The following RUNX1 variants were observed in gnomAD, a reference collection of about 807,000 sequenced individuals.
The protein encoded by RUNX1 is runt-related transcription factor 1.
A neutral mutation model predicts 42.8 loss-of-function variants in RUNX1; 19 were observed. The observed-to-expected ratio is 0.44, with a 90% CI of 0.31 to 0.65. The LOEUF is 0.65. Among genes scored for constraint, RUNX1 ranks in the 30% least tolerant of loss-of-function variants. The probability of loss-of-function intolerance (pLI) is 0.07; values close to 1 mark genes in which losing one functional copy is unlikely to be tolerated. For synonymous variants in RUNX1, 271 were observed against 289.4 expected (o/e 0.94, Z 0.64); for missense variants, 528 against 672.0 (o/e 0.79, Z 2.37).
At chr21:34,799,165 G>A in intron 8 of RUNX1, 136 bp downstream of exon 8, 1 of 899,586 alleles carries the variant, frequency 1.1e-6, no homozygotes, top group South Asian at 1.4e-5. Flanking sequence ...CATGGGCATG[G>A]GACTCAGAGT....
intron 7 of RUNX1, chr21:34,821,415 G>A: frequency 7.5e-7 from 1 of 1,329,908 alleles, no homozygotes; most frequent in Non-Finnish European, 9.7e-7. Flanking sequence ...CATGTGCTGT[G>A]CATCAAGTGA....
chr21:35,046,188 G>A (rs1240436216), intron 2 of RUNX1, among the ~76,000 whole-genome samples: 1 of 152,176 alleles, frequency 6.6e-6, no homozygotes, highest in Non-Finnish European at 1.5e-5. Flanking sequence ...GGAACCTGGT[G>A]TGGTGTGATA....
Position 34,799,466 on chromosome 21 carries a change from A to AAGAGAATC in RUNX1, c.806-12_806-5dup, listed in dbSNP as rs1281201093. ...GATGGTTGGATCTGCCTTGTATCTG[A>AAGAGAATC]AGAGAATCAGAAAGGTCAATTATAT... On this transcript the variant is annotated splice_polypyrimidine_tract_variant and splice_region_variant and intron_variant, in intron 7 of 8. Coordinates refer to ENST00000675419, the MANE Select transcript of RUNX1 (RefSeq NM_001754.5). 6.2e-7 allele frequency: 1 copy of AAGAGAATC among 1,613,898 alleles called. No individual in the cohort carries two copies. Among genetic ancestry groups the AAGAGAATC allele is most frequent in the East Asian group, 2.2e-5 (1 of 44,872 alleles).
intron 6 of RUNX1, among the ~76,000 whole-genome samples, chr21:34,852,184 CAA>C (rs1346147658): frequency 1.3e-5 from 2 of 151,894 alleles, no homozygotes; most frequent in Admixed American, 6.6e-5. Context: ...CAAAACAAAA[CAA>C]AACAAAACAA....
At chr21:34,853,272 A>G (rs979691680) in intron 6 of RUNX1, among the ~76,000 whole-genome samples, 1 of 152,168 alleles carries the variant, frequency 6.6e-6, no homozygotes, top group African/African-American at 2.4e-5. Flanking sequence ...AGGGGAGGGT[A>G]CTTCCTGCAG....
At chr21:34,795,691 C>T (rs534551012) in intron 8 of RUNX1, among the ~76,000 whole-genome samples, 13 of 152,346 alleles carry the variant, frequency 8.5e-5, no homozygotes, top group African/African-American at 3.1e-4. Context: ...ACACCTCATT[C>T]CACAGGGTTC....
intron 2 of RUNX1, among the ~76,000 whole-genome samples, chr21:35,025,842 A>G (rs2059231857): frequency 6.6e-6 from 1 of 152,104 alleles, no homozygotes; most frequent in Non-Finnish European, 1.5e-5. Context: ...GGAAACTCAT[A>G]TGGTTCTCTG....
chr21:34,820,317 T>A (rs2056889641), intron 7 of RUNX1, among the ~76,000 whole-genome samples: 1 of 152,182 alleles, frequency 6.6e-6, no homozygotes, highest in Admixed American at 6.5e-5. Context: ...AGGGTAGGTG[T>A]GGCTTTGAGG....
chr21:35,006,843 GA>G (rs1210996322), intron 2 of RUNX1, among the ~76,000 whole-genome samples: 1 of 152,174 alleles, frequency 6.6e-6, no homozygotes, highest in Non-Finnish European at 1.5e-5. Context: ...AAACGTGCTG[GA>G]AAGATAGAAG....
At chr21:35,011,637 G>A (rs566111668) in intron 2 of RUNX1, among the ~76,000 whole-genome samples, 4 of 152,332 alleles carry the variant, frequency 2.6e-5, no homozygotes, top group African/African-American at 9.6e-5. Flanking sequence ...GTGGACAAGA[G>A]CTCTGCTGAC....
chr21:34,856,821 G>A (rs984553576), intron 6 of RUNX1, among the ~76,000 whole-genome samples: 31 of 152,202 alleles, frequency 2.0e-4, no homozygotes, highest in Admixed American at 2.0e-3. Context: ...GGACTCGGGA[G>A]GTCTTATTCA....
chr21:34,913,030 A>G (rs1489177655), intron 2 of RUNX1, among the ~76,000 whole-genome samples: 1 of 152,190 alleles, frequency 6.6e-6, no homozygotes, highest in Non-Finnish European at 1.5e-5. Flanking sequence ...CAGGAGTTTA[A>G]AACCAGCCTG....
intron 7 of RUNX1, chr21:34,821,800 C>A (rs1203153680): frequency 8.4e-6 from 8 of 957,298 alleles, no homozygotes; most frequent in South Asian, 2.7e-5. Context: ...GTGAAAGAAT[C>A]AAATGAGGAA....
intron 3 of RUNX1, among the ~76,000 whole-genome samples, chr21:34,891,555 G>C (rs965022076): frequency 5.9e-5 from 9 of 152,236 alleles, no homozygotes; most frequent in Admixed American, 3.9e-4. Context: ...TACGAAGTGA[G>C]GAATTCCTTT....
At chr21:35,038,068 T>C (rs906220036) in intron 2 of RUNX1, among the ~76,000 whole-genome samples, 1 of 152,180 alleles carries the variant, frequency 6.6e-6, no homozygotes, top group Non-Finnish European at 1.5e-5. Context: ...TGACTTCCTC[T>C]GCGTGTCCAT....
At chr21:34,888,311 G>A in intron 3 of RUNX1, 2 of 1,067,570 alleles carry the variant, frequency 1.9e-6, no homozygotes, top group Non-Finnish European at 2.3e-6. Context: ...CGGGCGGCTC[G>A]GGTTACACAC....
intron 2 of RUNX1, among the ~76,000 whole-genome samples, chr21:34,918,480 TAA>T (rs2058329101): frequency 1.3e-5 from 2 of 152,368 alleles, no homozygotes; most frequent in South Asian, 4.1e-4. Flanking sequence ...ATTTTAGTTT[TAA>T]AATTTGCTTA....
chr21:35,042,288 C>G (rs888414523), intron 2 of RUNX1, among the ~76,000 whole-genome samples: 1 of 152,180 alleles, frequency 6.6e-6, no homozygotes, highest in Admixed American at 6.5e-5. Context: ...TCTGCAACTT[C>G]CAAGAGGGAA....
At chr21:34,899,914 G>C (rs991168608) in intron 2 of RUNX1, among the ~76,000 whole-genome samples, 11 of 152,182 alleles carry the variant, frequency 7.2e-5, no homozygotes, top group African/African-American at 2.7e-4. Context: ...GAAGGCCAAG[G>C]CTGGATGATT....
Sources: gnomAD v4.1 joint callset for allele counts (sites outside exome capture counted in the v4.1 genomes callset) on GRCh38, gnomAD v4.1.1 for gene constraint, MANE v1.5 for transcripts, NCBI Gene and HGNC (gene_info 2026-07-23, HGNC 2026-07-21) for gene names.